PALLD: variants seen among roughly 807,000 people sequenced by gnomAD.
The protein encoded by PALLD is palladin.
Under a neutral mutation model 123.5 loss-of-function variants are expected in PALLD, and 61 were observed. That is an observed-to-expected ratio of 0.49 (90% CI 0.40 to 0.61). The LOEUF is 0.61. PALLD is among the 20% of genes least tolerant of loss of function. PALLD has a pLI of 0.00. For synonymous variants in PALLD, 465 were observed against 496.4 expected, an observed-to-expected ratio of 0.94 and a Z score of 0.84; for missense variants, 1,273 against 1,377.0, an observed-to-expected ratio of 0.92 and a Z score of 1.20.
chr4:168,577,915 G>A (rs934867655), intron 2 of PALLD, among the ~76,000 whole-genome samples: 6 of 151,722 alleles, frequency 4.0e-5, no homozygotes, highest in African/African-American at 9.7e-5. Flanking sequence ...GTGGAACTTC[G>A]ATAAGAGAGG....
intron 10 of PALLD, among the ~76,000 whole-genome samples, chr4:168,743,428 T>C (rs559745733): frequency 1.4e-4 from 22 of 152,258 alleles, no homozygotes; most frequent in African/African-American, 5.1e-4. Context: ...TTTTTTTTAA[T>C]GGGGACACTA....
chr4:168,809,016 T>C (rs1276049468), intron 10 of PALLD, among the ~76,000 whole-genome samples: 4 of 152,212 alleles, frequency 2.6e-5, no homozygotes, highest in Non-Finnish European at 4.4e-5. Flanking sequence ...AATATCCTCT[T>C]ATTTATTTAA....
In PALLD at chr4:168,499,180, C is replaced by CAAA. The variant is rs1157137965; in HGVS notation, c.-83+2010_-83+2012dup. On this transcript the variant is annotated intron_variant, in intron 1 of 21. Coordinates refer to ENST00000505667, the MANE Select transcript of PALLD (RefSeq NM_001166108.2). ...TTTTGCCCTAAAGGACCCTTTGTAG[C>CAAA]AAAAAAAAAAAAAAAAAAAAAAAAA... Among the ~76,000 whole-genome samples, 6 of 16,384 alleles carry CAAA rather than the reference C, an allele frequency of 3.7e-4. 1 individual carries two copies. Among genetic ancestry groups the CAAA allele is most frequent in the South Asian group, 4.0e-3 (1 of 250 alleles). The allele number at this position is 16,384 out of a possible 152,430, so 10.7% of individuals were successfully genotyped here. A position where few individuals can be genotyped will look rare whatever the true frequency, so the allele number is the denominator to read the frequency against.
At chr4:168,619,857 A>G (rs1177373905) in intron 2 of PALLD, among the ~76,000 whole-genome samples, 2 of 152,220 alleles carry the variant, frequency 1.3e-5, no homozygotes, top group Non-Finnish European at 2.9e-5. Context: ...AAAACATCAG[A>G]TTTAACTGTC....
chr4:168,690,945 C>T (rs1782562405), intron 7 of PALLD, among the ~76,000 whole-genome samples: 1 of 152,052 alleles, frequency 6.6e-6, no homozygotes, highest in African/African-American at 2.4e-5. Flanking sequence ...TATATTCTTT[C>T]GTCTTAAAAA....
intron 10 of PALLD, among the ~76,000 whole-genome samples, chr4:168,808,777 A>G (rs1205296368): frequency 6.6e-6 from 1 of 152,148 alleles, no homozygotes; most frequent in East Asian, 1.9e-4. Context: ...AAACCATCAG[A>G]TCTCATGAGA....
chr4:168,686,557 C>T (rs1022061794), intron 6 of PALLD: 1 of 152,286 alleles, frequency 6.6e-6, no homozygotes, highest in Non-Finnish European at 1.5e-5. Flanking sequence ...GACATGAATT[C>T]ATTCTTTTTT....
chr4:168,546,519 C>T (rs1018693416), intron 2 of PALLD, among the ~76,000 whole-genome samples: 2 of 152,030 alleles, frequency 1.3e-5, no homozygotes, highest in Non-Finnish European at 2.9e-5. Context: ...ATAGCCCAGG[C>T]AAGATGCTGG....
chr4:168,551,230 A>C (rs1766697607), intron 2 of PALLD, among the ~76,000 whole-genome samples: 1 of 152,206 alleles, frequency 6.6e-6, no homozygotes. Context: ...TTATATTTTC[A>C]AATGTTTTTA....
chr4:168,581,223 A>T (rs1288776909), intron 2 of PALLD, among the ~76,000 whole-genome samples: 4 of 151,942 alleles, frequency 2.6e-5, no homozygotes, highest in Admixed American at 6.6e-5. Context: ...GGGAGTGCAG[A>T]TGTCTCTTCA....
chr4:168,728,871 C>T (rs187892692), intron 10 of PALLD, among the ~76,000 whole-genome samples: 1 of 152,108 alleles, frequency 6.6e-6, no homozygotes, highest in Non-Finnish European at 1.5e-5. Flanking sequence ...ACTCTTCCCC[C>T]CAAGGCCCCA....
At chr4:168,850,697 A>G (rs1029611520) in intron 10 of PALLD, among the ~76,000 whole-genome samples, 1 of 151,394 alleles carries the variant, frequency 6.6e-6, no homozygotes, top group Non-Finnish European at 1.5e-5. Flanking sequence ...ACACCTGGCT[A>G]ATTTTTTTAT....
intron 2 of PALLD, among the ~76,000 whole-genome samples, chr4:168,596,257 T>C (rs1223910028): frequency 6.6e-6 from 1 of 152,158 alleles, no homozygotes; most frequent in Non-Finnish European, 1.5e-5. Context: ...TATTATATTA[T>C]ACATATCTTA....
intron 1 of PALLD, among the ~76,000 whole-genome samples, chr4:168,503,071 G>A (rs141723822): frequency 1.3e-5 from 2 of 150,196 alleles, no homozygotes; most frequent in African/African-American, 4.9e-5. Flanking sequence ...TCAAACACCC[G>A]GTATTTCTTA....
intron 8 of PALLD, among the ~76,000 whole-genome samples, chr4:168,696,030 T>C (rs1037106423): frequency 7.0e-6 from 1 of 143,664 alleles, no homozygotes; most frequent in Non-Finnish European, 1.5e-5. Context: ...TAATCATAGC[T>C]TTTGAGCTTA....
rs1427049449 is a variant in PALLD at position 168,878,277 on chromosome 4, C to T, written c.1965-12645C>T. 6.5e-7 allele frequency: 1 copy of T among 1,526,966 alleles called. No homozygotes were observed. The highest frequency in any genetic ancestry group is 1.4e-5 in the African/African-American group (1 of 72,032). The allele number at this position is 1,526,966 out of a possible 1,614,324, so 94.6% of individuals were successfully genotyped here. On this transcript the variant is annotated intron_variant, in intron 10 of 21. Transcript: ENST00000505667. Reference sequence around the variant, plus strand: ...GGACAGGCGTCCCACTGCTCGTCGCCTGCCACCCGCTTCGGCCACAGCCAG... The same window carrying T: ...GGACAGGCGTCCCACTGCTCGTCGCTTGCCACCCGCTTCGGCCACAGCCAG...
At chr4:168,660,075 A>G (rs1429407649) in intron 2 of PALLD, among the ~76,000 whole-genome samples, 2 of 152,202 alleles carry the variant, frequency 1.3e-5, no homozygotes, top group Non-Finnish European at 2.9e-5. Context: ...GGAGAATCGG[A>G]GTGTTCTGAG....
intron 2 of PALLD, among the ~76,000 whole-genome samples, chr4:168,531,958 A>T (rs1222325312): frequency 1.3e-5 from 2 of 151,806 alleles, no homozygotes; most frequent in Non-Finnish European, 2.9e-5. Flanking sequence ...TTTTAAGTTC[A>T]TGGGTACAAG....
intron 3 of PALLD, among the ~76,000 whole-genome samples, chr4:168,675,123 T>C (rs1428653310): frequency 6.6e-6 from 1 of 152,138 alleles, no homozygotes; most frequent in Non-Finnish European, 1.5e-5. Flanking sequence ...GATTGTAAAA[T>C]GAATTACACA....
Sources: gnomAD v4.1 joint callset for allele counts (sites outside exome capture counted in the v4.1 genomes callset) on GRCh38, gnomAD v4.1.1 for gene constraint, MANE v1.5 for transcripts, NCBI Gene and HGNC (gene_info 2026-07-23, HGNC 2026-07-21) for gene names.